The following KAT2B variants were observed in gnomAD, a reference collection of about 807,000 sequenced individuals.
The protein encoded by KAT2B is histone acetyltransferase KAT2B.
A neutral mutation model predicts 105.9 loss-of-function variants in KAT2B; 36 were observed. The ratio of observed to expected loss-of-function variants is 0.34; its 90% confidence interval spans 0.26 to 0.45. The LOEUF (loss-of-function observed/expected upper bound fraction) is 0.45. KAT2B is among the 20% of genes least tolerant of loss of function. The probability of loss-of-function intolerance (pLI) is 1.00; values close to 1 mark genes in which losing one functional copy is unlikely to be tolerated. For synonymous variants in KAT2B, 397 were observed against 377.9 expected (o/e 1.05, Z -0.59); for missense variants, 820 against 1,021.6 (o/e 0.80, Z 2.69).
intron 8 of KAT2B, 74 bp downstream of exon 8, chr3:20,119,797 G>T (rs1187377903): frequency 2.0e-6 from 3 of 1,530,534 alleles, no homozygotes; most frequent in Non-Finnish European, 2.7e-6. Flanking sequence ...AGTGCAAAAG[G>T]TAGACTTGAA....
chr3:20,043,373 G>A (rs1697753066), intron 1 of KAT2B, among the ~76,000 whole-genome samples: 1 of 152,110 alleles, frequency 6.6e-6, no homozygotes, highest in Non-Finnish European at 1.5e-5. Context: ...ATGTGTTGGG[G>A]GCCTAGGGAT....
intron 5 of KAT2B, among the ~76,000 whole-genome samples, chr3:20,103,042 A>T (rs1698936457): frequency 6.6e-6 from 1 of 152,248 alleles, no homozygotes; most frequent in Non-Finnish European, 1.5e-5. Context: ...AATTTCAGTT[A>T]TAAAGTATTT....
intron 2 of KAT2B, among the ~76,000 whole-genome samples, chr3:20,076,755 A>C (rs1452584215): frequency 1.3e-5 from 2 of 152,184 alleles, no homozygotes; most frequent in Non-Finnish European, 2.9e-5. Flanking sequence ...GTTACCGACA[A>C]AGTACAAGTT....
intron 13 of KAT2B, 102 bp from the exon 14 acceptor site, chr3:20,146,212 TAA>T (rs2125196666): frequency 1.4e-6 from 1 of 700,744 alleles, no homozygotes; most frequent in Non-Finnish European, 2.5e-6. Context: ...TCTTATTTCA[TAA>T]AAAAGACTGT....
chr3:20,083,295 C>T (rs945280360), intron 2 of KAT2B, among the ~76,000 whole-genome samples: 4 of 151,776 alleles, frequency 2.6e-5, no homozygotes, highest in African/African-American at 4.9e-5. Context: ...TAATAGAGGC[C>T]TATCTCTTTA....
At chr3:20,150,566 A>G (rs1026853768) in intron 17 of KAT2B, among the ~76,000 whole-genome samples, 6 of 152,190 alleles carry the variant, frequency 3.9e-5, no homozygotes, top group African/African-American at 1.4e-4. Context: ...TGAAAACTGA[A>G]TAATTTAATG....
chr3:20,112,172 T>C (rs1699133315), intron 6 of KAT2B, among the ~76,000 whole-genome samples: 1 of 151,768 alleles, frequency 6.6e-6, no homozygotes, highest in Non-Finnish European at 1.5e-5. Flanking sequence ...GTGGCTTTTT[T>C]TTTTTTTTCC....
At chr3:20,128,510 C>T (rs554644086) in intron 11 of KAT2B, among the ~76,000 whole-genome samples, 1 of 151,598 alleles carries the variant, frequency 6.6e-6, no homozygotes, top group South Asian at 2.1e-4. Flanking sequence ...TTTTTTGTTG[C>T]TAATTTATCT....
At chr3:20,075,174 GA>G (rs1228411777) in intron 2 of KAT2B, among the ~76,000 whole-genome samples, 1 of 152,050 alleles carries the variant, frequency 6.6e-6, no homozygotes, top group Non-Finnish European at 1.5e-5. Context: ...TGAGGCAGGA[GA>G]ATTGCTTGAA....
At chr3:20,063,153 G>T (rs1438665875) in intron 1 of KAT2B, among the ~76,000 whole-genome samples, 1 of 151,484 alleles carries the variant, frequency 6.6e-6, no homozygotes, top group Non-Finnish European at 1.5e-5. Flanking sequence ...TTGCTGCCTC[G>T]AATTCCTAGG....
intron 2 of KAT2B, among the ~76,000 whole-genome samples, chr3:20,080,253 A>G (rs1051919429): frequency 6.6e-6 from 1 of 152,062 alleles, no homozygotes; most frequent in Non-Finnish European, 1.5e-5. Context: ...CTTTTCTCCA[A>G]TTATCTTCAT....
At chr3:20,074,167 C>T (rs1023672530) in intron 2 of KAT2B, among the ~76,000 whole-genome samples, 1 of 152,222 alleles carries the variant, frequency 6.6e-6, no homozygotes, top group Non-Finnish European at 1.5e-5. Flanking sequence ...TTAAGATGTG[C>T]CCTCAAATTA....
rs867284913 is a variant in KAT2B at position 20,062,309 on chromosome 3, A to T, written c.304-10024A>T. Among the ~76,000 whole-genome samples, 62 of 81,340 alleles carry T rather than the reference A, an allele frequency of 7.6e-4. 4 individuals are homozygous for T. Among genetic ancestry groups the T allele is most frequent in the African/African-American group, 1.4e-3 (29 of 20,160 alleles). The allele number at this position is 81,340 out of a possible 152,430, so 53.4% of individuals were successfully genotyped here. On this transcript the variant is annotated intron_variant, in intron 1 of 17. Transcript: ENST00000263754. The stretch of plus-strand genomic sequence containing the variant: ...TATAATATATAATATATAAAATATA[A>T]TATATATAAAATATTTATTATGTAT...
intron 11 of KAT2B, among the ~76,000 whole-genome samples, chr3:20,135,653 C>CA (rs10706710): frequency 4.8e-4 from 71 of 146,438 alleles, no homozygotes; most frequent in East Asian, 6.0e-4. Context: ...GACTCCATCT[C>CA]AAAAAAAAAA....
chr3:20,100,215 T>C (rs993885650), intron 4 of KAT2B, among the ~76,000 whole-genome samples: 9 of 152,174 alleles, frequency 5.9e-5, no homozygotes, highest in African/African-American at 2.2e-4. Context: ...GTAGAACATG[T>C]AGTTTGTAAG....
rs201929856 is a variant in KAT2B, at chr3:20,113,537, TCTC to T, written c.1044-1344_1044-1342del. On this transcript the variant is annotated intron_variant, in intron 6 of 17. Transcript: ENST00000263754. ...AAACATCAATGCTGCCTTCTTTTCT[TCTC>T]TATTACTAATGGTGGGGTAAAACTA... Among the ~76,000 whole-genome samples, 1,307 of 152,312 alleles carry T rather than the reference TCTC, an allele frequency of 8.6e-3. 23 individuals are homozygous for T. The highest frequency in any genetic ancestry group is 0.03 in the African/African-American group (1,242 of 41,570).
At chr3:20,105,603 T>C (rs553370134) in intron 5 of KAT2B, among the ~76,000 whole-genome samples, 1 of 151,766 alleles carries the variant, frequency 6.6e-6, no homozygotes, top group Non-Finnish European at 1.5e-5. Context: ...AGAATGAGAC[T>C]TCATCTCTAC....
chr3:20,082,235 A>T (rs1323912204), intron 2 of KAT2B, among the ~76,000 whole-genome samples: 1 of 151,952 alleles, frequency 6.6e-6, no homozygotes, highest in Non-Finnish European at 1.5e-5. Context: ...GGGTTTCATC[A>T]TGTTGGCCAG....
intron 8 of KAT2B, among the ~76,000 whole-genome samples, chr3:20,122,366 A>G (rs1699325776): frequency 6.6e-6 from 1 of 152,240 alleles, no homozygotes; most frequent in South Asian, 2.1e-4. Context: ...GAGAGTACTA[A>G]CAAACAATAG....
Sources: gnomAD v4.1 joint callset for allele counts (sites outside exome capture counted in the v4.1 genomes callset) on GRCh38, gnomAD v4.1.1 for gene constraint, MANE v1.5 for transcripts, NCBI Gene and HGNC (gene_info 2026-07-23, HGNC 2026-07-21) for gene names.